The following MGA variants were observed in gnomAD, a reference collection of about 807,000 sequenced individuals.
The protein encoded by MGA is MAX gene-associated protein.
MGA carries 40 observed loss-of-function variants against 261.1 expected under a neutral mutation model. That is an observed-to-expected ratio of 0.15 (90% CI 0.12 to 0.20). The LOEUF is 0.20. MGA is among the 10% of genes least tolerant of loss of function. The pLI, the probability that MGA is intolerant of heterozygous loss-of-function variation, is 1.00. For synonymous variants in MGA, 1,302 were observed against 1,290.6 expected (o/e 1.01, Z -0.19); for missense variants, 3,397 against 3,630.5 (o/e 0.94, Z 1.65).
chr15:41,659,176 C>T (rs1353564817), upstream of MGA, among the ~76,000 whole-genome samples: 1 of 152,160 alleles, frequency 6.6e-6, no homozygotes, highest in African/African-American at 2.4e-5. Context: ...TCTAAAGTAG[C>T]CTACACGTTT....
At chr15:41,635,527 CT>C (rs2056684387) in intron 1 of MGA, among the ~76,000 whole-genome samples, 1 of 151,814 alleles carries the variant, frequency 6.6e-6, no homozygotes, top group African/African-American at 2.4e-5. Context: ...CCCCCCCCTC[CT>C]ATAAAAAATT....
Position 41,767,770 on chromosome 15 carries a change from G to A in MGA, c.*490G>A, listed in dbSNP as rs2063871439. 2 of 157,852 alleles carry A rather than the reference G, an allele frequency of 1.3e-5. No homozygotes were observed. Among genetic ancestry groups the A allele is most frequent in the Non-Finnish European group, 2.8e-5 (2 of 71,082 alleles). The allele number at this position is 157,852 out of a possible 1,614,324, so 9.8% of individuals were successfully genotyped here. Reference sequence around the variant, plus strand: ...AGTTGATGTTTCAAGAATAGGGAGAGAGAGGATGGGTACCATGGAATACCA... The same window carrying A: ...AGTTGATGTTTCAAGAATAGGGAGAAAGAGGATGGGTACCATGGAATACCA... On this transcript the variant is annotated 3_prime_UTR_variant, in exon 24 of 24. Coordinates refer to ENST00000219905, the MANE Select transcript of MGA (RefSeq NM_001164273.2).
At chr15:41,721,645 C>A (rs1245234111) in intron 9 of MGA, among the ~76,000 whole-genome samples, 1 of 152,136 alleles carries the variant, frequency 6.6e-6, no homozygotes, top group Non-Finnish European at 1.5e-5. Flanking sequence ...CAAATTAAAT[C>A]CATGATGAGA....
intron 1 of MGA, among the ~76,000 whole-genome samples, chr15:41,637,200 G>T (rs2056727905): frequency 6.6e-6 from 1 of 152,178 alleles, no homozygotes; most frequent in Admixed American, 6.5e-5. Context: ...TTTGGGCATA[G>T]TGGAAAGATT....
At chr15:41,674,852 A>G (rs1054154817) in intron 2 of MGA, among the ~76,000 whole-genome samples, 7 of 152,190 alleles carry the variant, frequency 4.6e-5, no homozygotes, top group African/African-American at 1.4e-4. Flanking sequence ...TGATGTTTCT[A>G]GCTTATTTGT....
chr15:41,746,747 T>C (rs1480399510), intron 15 of MGA, among the ~76,000 whole-genome samples: 1 of 152,128 alleles, frequency 6.6e-6, no homozygotes, highest in Non-Finnish European at 1.5e-5. Context: ...GAGTGCCTGT[T>C]TGATAGAGAA....
chr15:41,748,598 G>T, intron 15 of MGA, 39 bp from the exon 16 acceptor site: 2 of 1,590,166 alleles, frequency 1.3e-6, no homozygotes, highest in South Asian at 1.1e-5. Flanking sequence ...TGTGTTAAAG[G>T]GGAATTTGGG....
chr15:41,767,246 A>G lies in MGA; in HGVS notation c.9164A>G (p.Asn3055Ser), dbSNP rs760138383. ...GCACCTGTTGTGGCTAAATTGGGCA[A>G]CTCGGGGGCCTCACCAAGTTCTGCA... Residue 3055 changes from asparagine to serine, a missense_variant, in exon 24 of 24, where the codon AAC (asparagine) becomes AGC (serine). Asn to Ser is a conservative substitution (Grantham distance 46, BLOSUM62 1). This residue lies in a region of MGA where 647 missense variants were observed against 642.4 expected (regional missense o/e 1.01). Transcript: ENST00000219905. 4 of 1,612,896 alleles carry G rather than the reference A, an allele frequency of 2.5e-6. No individual in the cohort carries two copies. In the African/African-American group the frequency reaches 5.3e-5, roughly 22 times the overall value.
Position 41,768,015 on chromosome 15 carries a change from A to G in MGA, c.*735A>G, listed in dbSNP as rs958459466. 3.9e-5 allele frequency: 6 copies of G among 152,502 alleles called. No homozygotes were observed. In the East Asian group the frequency reaches 1.2e-3, roughly 29 times the overall value. 9.4% of individuals were successfully genotyped at this position (152,502 alleles called of 1,614,324 possible). A position where few individuals can be genotyped will look rare whatever the true frequency, so the allele number is the denominator to read the frequency against. Reference sequence around the variant, plus strand: ...AAAAGCTCATTTCACAGTACCAGAGATTTTTACTGGGAGTATATATTTTGG... The same window carrying G: ...AAAAGCTCATTTCACAGTACCAGAGGTTTTTACTGGGAGTATATATTTTGG... On this transcript the variant is annotated 3_prime_UTR_variant, in exon 24 of 24. Coordinates refer to ENST00000219905, the MANE Select transcript of MGA (RefSeq NM_001164273.2).
chr15:41,697,085 C>CT, intron 3 of MGA, 62 bp downstream of exon 3: 5 of 1,282,308 alleles, frequency 3.9e-6, no homozygotes, highest in Non-Finnish European at 5.2e-6. Context: ...TGTATACTGG[C>CT]TTGTAAGTAA....
intron 2 of MGA, 127 bp from the exon 3 acceptor site, chr15:41,695,948 T>C: frequency 1.4e-6 from 1 of 710,142 alleles, no homozygotes; most frequent in Non-Finnish European, 2.3e-6. Context: ...TTGAGTGTTT[T>C]TGAGGAATGG....
At chr15:41,656,316 GTTTC>G (rs1367601263), upstream of MGA, among the ~76,000 whole-genome samples, 2 of 120,758 alleles carry the variant, frequency 1.7e-5, no homozygotes, top group African/African-American at 2.8e-5. Context: ...GAGGAATGGT[GTTTC>G]TTTCTCTCTC....
chr15:41,733,673 G>A (rs913007040), intron 11 of MGA, among the ~76,000 whole-genome samples: 2 of 152,134 alleles, frequency 1.3e-5, no homozygotes, highest in African/African-American at 4.8e-5. Context: ...AGTGTACATA[G>A]CATGAGGGCA....
At chr15:41,759,616 A>AT (rs796221569) in intron 19 of MGA, among the ~76,000 whole-genome samples, 6 of 152,130 alleles carry the variant, frequency 3.9e-5, no homozygotes, top group African/African-American at 1.4e-4. Flanking sequence ...CTTTTCATAT[A>AT]TTTTAAGTCC....
intron 1 of MGA, among the ~76,000 whole-genome samples, chr15:41,643,055 ACC>A (rs1277810629): frequency 2.7e-5 from 4 of 150,652 alleles, no homozygotes; most frequent in Admixed American, 6.6e-5. Context: ...GGCATGTGTC[ACC>A]ACACTTAGCT....
intron 3 of MGA, 88 bp downstream of exon 3, chr15:41,697,111 A>G (rs1191559946): frequency 3.5e-6 from 4 of 1,129,404 alleles, no homozygotes; most frequent in Non-Finnish European, 3.7e-6. Context: ...TTTACAATCT[A>G]GTTTTGTGAT....
Position 41,742,878 on chromosome 15 carries a change from G to C in MGA, c.4918G>C (p.Val1640Leu). 6.2e-7 allele frequency: 1 copy of C among 1,613,966 alleles called. No homozygotes were observed. Among genetic ancestry groups the C allele is most frequent in the South Asian group, 1.1e-5 (1 of 91,088 alleles). ...TGCCACCACTACAGGGGTTGTTGAG[G>C]TCTCTGAAACTAATACCAGCACCTC... is the stretch of plus-strand genomic sequence containing the variant. Residue 1640 changes from valine (V) to leucine (L), a missense_variant, in exon 15 of 24, where the codon GTC becomes CTC. By Grantham distance (32) the Val-to-Leu change is conservative. Coordinates refer to ENST00000219905, the MANE Select transcript of MGA (RefSeq NM_001164273.2).
chr15:41,642,371 G>T (rs1487301280), intron 1 of MGA, among the ~76,000 whole-genome samples: 2 of 149,598 alleles, frequency 1.3e-5, no homozygotes, highest in African/African-American at 4.9e-5. Flanking sequence ...GTGCAATGGC[G>T]TGATCTCGGC....
chr15:41,632,670 GATTTGAGCTGGGCCTCC>G (rs2056615213), intron 1 of MGA, among the ~76,000 whole-genome samples: 1 of 152,064 alleles, frequency 6.6e-6, no homozygotes, highest in African/African-American at 2.4e-5. Flanking sequence ...CAGGGAGATA[GATTTGAGCTGGGCCTCC>G]TGTTTCCTCA....
Sources: allele counts gnomAD v4.1 joint callset (sites outside exome capture counted in the v4.1 genomes callset), GRCh38; gene constraint gnomAD v4.1.1; regional missense constraint gnomAD v4.1.1; transcripts MANE v1.5; gene names NCBI Gene and HGNC (gene_info 2026-07-23, HGNC 2026-07-21).